AHI1: variants seen among roughly 807,000 people sequenced by gnomAD.
AHI1 encodes the protein Abelson helper integration site 1.
In AHI1, 123 loss-of-function variants were observed where a neutral mutation model predicts 149.3. The ratio of observed to expected loss-of-function variants is 0.82; its 90% CI spans 0.71 to 0.96. The LOEUF (loss-of-function observed/expected upper bound fraction) is 0.96. AHI1 is among the 40% of genes least tolerant of loss of function. The probability of loss-of-function intolerance (pLI) is 0.00; values close to 1 mark genes in which losing one functional copy is unlikely to be tolerated. For missense variants in AHI1, 1,439 were observed against 1,422.7 expected (o/e 1.01, Z -0.18); for synonymous variants, 475 against 459.8 (o/e 1.03, Z -0.42).
In AHI1 at chr6:135,372,326, TAGA is replaced by T. The variant is rs374933769; in HGVS notation, c.3110-14142_3110-14140del. 5.3e-5 allele frequency among the ~76,000 whole-genome samples: 8 copies of T among 152,136 alleles called. No homozygotes were observed. The South Asian group carries it at 1.0e-3, about 20-fold the overall frequency. On this transcript the variant is annotated intron_variant, in intron 23 of 28. Transcript: ENST00000265602. ...GAACTGGTAGTGATACTGATGACAA[TAGA>T]AGAATTAGAGAGTCTTTTAAATTAA...
At chr6:135,319,156 T>A (rs1432308298) in intron 25 of AHI1, among the ~76,000 whole-genome samples, 1 of 152,218 alleles carries the variant, frequency 6.6e-6, no homozygotes, top group Non-Finnish European at 1.5e-5. Flanking sequence ...CTCTGAAGAC[T>A]AGGTAGGATT....
intron 22 of AHI1, among the ~76,000 whole-genome samples, chr6:135,397,099 A>G (rs911430530): frequency 2.0e-4 from 30 of 151,912 alleles, no homozygotes; most frequent in African/African-American, 6.8e-4. Flanking sequence ...GACTATTCAA[A>G]TGTCCATAAA....
intron 5 of AHI1, among the ~76,000 whole-genome samples, chr6:135,476,887 A>G (rs981280024): frequency 6.6e-6 from 1 of 152,132 alleles, no homozygotes; most frequent in South Asian, 2.1e-4. Flanking sequence ...TATAGTCAAC[A>G]TATAGTTGGG....
intron 20 of AHI1, 107 bp downstream of exon 20, chr6:135,427,060 T>C (rs533943282): frequency 1.6e-4 from 181 of 1,127,460 alleles, no homozygotes; most frequent in Non-Finnish European, 3.0e-5. Flanking sequence ...AAGGGCACAA[T>C]TATTATGTGT....
At position 135,379,755 on chromosome 6, in the gene AHI1, A is replaced by G. The variant is rs981082711; in HGVS notation, c.3109+15021T>C. ...TCTACTCTCCTCCTTGTTCCCTCCA[A>G]TCTAGCTATACTGACCTCTTTGCTG... On this transcript the variant is annotated intron_variant, in intron 23 of 28. Transcript: ENST00000265602. Among the ~76,000 whole-genome samples, 3 of 151,974 alleles carry G rather than the reference A, an allele frequency of 2.0e-5. No homozygotes were observed. In the South Asian group the frequency reaches 6.2e-4, roughly 32 times the overall value.
In AHI1 at chr6:135,490,504, T is replaced by C. The variant is rs906207527; in HGVS notation, c.135+119A>G. On this transcript the variant is annotated intron_variant, in intron 5 of 28. Transcript: ENST00000265602. ...TATTTTTACCACATGTTATTGACCA[T>C]GACATAGTGTTACTGTTTTTAATTT... 2.0e-5 allele frequency: 23 copies of C among 1,168,778 alleles called. No homozygotes were observed. The Middle Eastern group carries it at 8.5e-4, about 43-fold the overall frequency. The allele number at this position is 1,168,778 out of a possible 1,614,324, so 72.4% of individuals were successfully genotyped here.
Position 135,489,377 on chromosome 6 carries a change from T to C in AHI1, c.135+1246A>G, listed in dbSNP as rs139553527. ...CATTTAATTTAAACCTTGGTCTAAA[T>C]TGCATTTTGTTCATGGCTCACAACT... On this transcript the variant is annotated intron_variant, in intron 5 of 28. Coordinates refer to ENST00000265602, the MANE Select transcript of AHI1 (RefSeq NM_001134831.2). Among the ~76,000 whole-genome samples the C allele has an allele frequency of 1.8e-4, 27 of 152,274 alleles. No individual in the cohort carries two copies. In the East Asian group the frequency reaches 4.8e-3, roughly 27 times the overall value.
intron 24 of AHI1, among the ~76,000 whole-genome samples, chr6:135,350,086 T>C (rs1791847108): frequency 6.6e-6 from 1 of 152,250 alleles, no homozygotes; most frequent in Admixed American, 6.5e-5. Flanking sequence ...GTTTATCTCA[T>C]GGCAGTCCTT....
At chr6:135,388,053 C>G (rs746468056) in intron 23 of AHI1, 2 of 1,612,748 alleles carry the variant, frequency 1.2e-6, no homozygotes, top group South Asian at 2.2e-5. Flanking sequence ...AAATTCTTGT[C>G]GTTAAAAACT....
intron 24 of AHI1, among the ~76,000 whole-genome samples, chr6:135,334,870 T>G (rs566138243): frequency 6.6e-6 from 1 of 152,344 alleles, no homozygotes; most frequent in Admixed American, 6.5e-5. Flanking sequence ...GTTAGAAATG[T>G]AAATTCTTGG....
intron 14 of AHI1, 29 bp downstream of exon 14, chr6:135,442,553 C>A: frequency 4.4e-6 from 7 of 1,575,494 alleles, no homozygotes; most frequent in Non-Finnish European, 6.0e-6. Context: ...GGACTACAAT[C>A]AGATTAAACA....
rs1433892462 is a variant in AHI1, at chr6:135,495,903, AAGG to A, written c.-139-8_-139-6del. The A allele has an allele frequency of 6.6e-6, 1 of 152,200 alleles. No individual in the cohort carries two copies. Among genetic ancestry groups the A allele is most frequent in the Non-Finnish European group, 1.5e-5 (1 of 68,034 alleles). The allele number at this position is 152,200 out of a possible 1,614,324, so 9.4% of individuals were successfully genotyped here. On this transcript the variant is annotated splice_polypyrimidine_tract_variant and splice_region_variant and intron_variant, in intron 2 of 28. Coordinates refer to ENST00000265602, the MANE Select transcript of AHI1 (RefSeq NM_001134831.2). ...AAAATGGCACCTATTTTAGTACTGT[AAGG>A]AGAAGAGAAAATACCAAAAAGCAAA...
At chr6:135,410,911 C>T (rs756167299) in intron 21 of AHI1, among the ~76,000 whole-genome samples, 6 of 152,178 alleles carry the variant, frequency 3.9e-5, no homozygotes, top group African/African-American at 7.2e-5. Context: ...GGCAGGATCT[C>T]GCCTCACTGA....
intron 21 of AHI1, 28 bp from the exon 22 acceptor site, chr6:135,405,005 G>A: frequency 6.4e-7 from 1 of 1,573,794 alleles, no homozygotes. Flanking sequence ...AAATAAGGAA[G>A]TATTCATAAT....
chr6:135,456,892 A>C (rs372712930), intron 9 of AHI1, among the ~76,000 whole-genome samples: 1 of 152,256 alleles, frequency 6.6e-6, no homozygotes, highest in African/African-American at 2.4e-5. Context: ...TAAAGCATTT[A>C]CAATGCAATA....
At chr6:135,355,416 C>A (rs1048919305) in intron 24 of AHI1, among the ~76,000 whole-genome samples, 2 of 150,706 alleles carry the variant, frequency 1.3e-5, no homozygotes, top group South Asian at 2.1e-4. Flanking sequence ...AAAAAGGAAA[C>A]AAGTGAATTA....
At chr6:135,380,731 A>AACCCC (rs1776620230) in intron 23 of AHI1, among the ~76,000 whole-genome samples, 5 of 56,052 alleles carry the variant, frequency 8.9e-5, no homozygotes, top group Admixed American at 2.0e-4. Context: ...AAGTAAAATA[A>AACCCC]CCCCCCCCCC....
intron 23 of AHI1, among the ~76,000 whole-genome samples, chr6:135,361,746 T>A (rs1005659969): frequency 6.6e-6 from 1 of 151,980 alleles, no homozygotes; most frequent in Admixed American, 6.6e-5. Context: ...TTCTTCAGTT[T>A]AATTAGGAGG....
intron 16 of AHI1, among the ~76,000 whole-genome samples, chr6:135,432,673 G>A (rs1177790024): frequency 6.6e-6 from 1 of 152,038 alleles, no homozygotes; most frequent in African/African-American, 2.4e-5. Flanking sequence ...CTTATATCAA[G>A]ATAAAACTTT....
Sources: allele counts gnomAD v4.1 joint callset (sites outside exome capture counted in the v4.1 genomes callset), GRCh38; gene constraint gnomAD v4.1.1; transcripts MANE v1.5; gene names NCBI Gene and HGNC (gene_info 2026-07-23, HGNC 2026-07-21).